The following PLEKHM2 variants were observed in gnomAD, a reference collection of about 807,000 sequenced individuals.
PLEKHM2 encodes the protein pleckstrin homology and RUN domain containing M2.
Under a neutral mutation model 116.3 loss-of-function variants are expected in PLEKHM2, and 77 were observed. The observed-to-expected ratio is 0.66, with a 90% CI of 0.55 to 0.80. The LOEUF (loss-of-function observed/expected upper bound fraction) is 0.80, where lower values mean the gene tolerates loss of function less well. Among genes scored for constraint, PLEKHM2 ranks in the 30% least tolerant of loss-of-function variants. The probability of loss-of-function intolerance (pLI) is 0.00; values close to 1 mark genes in which losing one functional copy is unlikely to be tolerated. For missense variants in PLEKHM2, 1,183 were observed against 1,354.9 expected (o/e 0.87, Z 1.99); for synonymous variants, 562 against 571.0 (o/e 0.98, Z 0.22).
intron 7 of PLEKHM2, among the ~76,000 whole-genome samples, chr1:15,722,456 A>T (rs12740492): frequency 0.36 from 54,258 of 151,952 alleles, 12,417 homozygotes; most frequent in African/African-American, 0.65. Context: ...AATCCCTGTT[A>T]TTAAAGAGCC....
chr1:15,717,827 G>C, intron 3 of PLEKHM2, 66 bp from the exon 4 acceptor site: 1 of 1,026,904 alleles, frequency 9.7e-7, no homozygotes, highest in East Asian at 2.6e-5. Flanking sequence ...TTCTGCGCTT[G>C]CTTGGCAAAT....
Position 15,729,109 on chromosome 1 carries a change from T to C in PLEKHM2, c.1994T>C (p.Leu665Pro). ...YNELDYVSVGLDQQTVKLVCT... is the reference protein window; with the variant it reads ...YNELDYVSVGPDQQTVKLVCT... ...CGGTGTGGTTTCTGGCAGGTTGGCC[T>C]TGACCAGCAGACGGTGAAGCTGGTG... The change falls in exon 13 of 20, where the codon CTT becomes CCT. Residue 665 changes from leucine to proline, a missense_variant. Physicochemically the swap from Leu to Pro is moderately conservative, Grantham distance 98. This residue lies in a region of PLEKHM2 where 594 missense variants were observed against 720.1 expected (regional missense o/e 0.82). Coordinates refer to ENST00000375799, the MANE Select transcript of PLEKHM2 (RefSeq NM_015164.4). This position sits in a 1 kb window ranked among gnomAD's most constrained non-coding sequence, Gnocchi z 4.7. 1 of 1,608,546 alleles carries C rather than the reference T, an allele frequency of 6.2e-7. No homozygotes were observed. The highest frequency in any genetic ancestry group is 2.2e-5 in the East Asian group (1 of 44,668).
chr1:15,705,082 C>T lies in PLEKHM2; in HGVS notation c.61-11155C>T, dbSNP rs546381429. 1.2e-4 allele frequency among the ~76,000 whole-genome samples: 18 copies of T among 152,016 alleles called. No individual in the cohort carries two copies. The East Asian group carries it at 1.9e-3, about 16-fold the overall frequency. ...AGACGCTCCTCCTGCTGCACACTCACGGCTTTCAGTGGCTGGCGGCACCCC... is the reference window on the plus strand; with the variant it reads ...AGACGCTCCTCCTGCTGCACACTCATGGCTTTCAGTGGCTGGCGGCACCCC... On this transcript the variant is annotated intron_variant, in intron 1 of 19. Coordinates refer to ENST00000375799, the MANE Select transcript of PLEKHM2 (RefSeq NM_015164.4).
chr1:15,704,563 A>G (rs1641183472), intron 1 of PLEKHM2, among the ~76,000 whole-genome samples: 1 of 152,206 alleles, frequency 6.6e-6, no homozygotes, highest in Non-Finnish European at 1.5e-5. Flanking sequence ...AATTCACAAT[A>G]ACTTTTCCTC....
At chr1:15,714,382 T>C (rs1203249595) in intron 1 of PLEKHM2, among the ~76,000 whole-genome samples, 4 of 145,538 alleles carry the variant, frequency 2.7e-5, no homozygotes, top group African/African-American at 7.6e-5. Flanking sequence ...TCTACCCCAG[T>C]GTGGTCGTAC....
chr1:15,710,196 C>T (rs1641303814), intron 1 of PLEKHM2, among the ~76,000 whole-genome samples: 1 of 143,124 alleles, frequency 7.0e-6, no homozygotes, highest in Non-Finnish European at 1.5e-5. Flanking sequence ...CACTGCCCTC[C>T]AGCCTGGGCG....
At position 15,719,855 on chromosome 1, in the gene PLEKHM2, C is replaced by G. The variant is rs759410243; in HGVS notation, c.587C>G (p.Ser196Cys). 5 of 1,613,890 alleles carry G rather than the reference C, an allele frequency of 3.1e-6. No individual in the cohort carries two copies. Among genetic ancestry groups the G allele is most frequent in the Non-Finnish European group, 3.4e-6 (4 of 1,179,828 alleles). The part of the protein sequence containing the change: ...VHGSDSLSLN[S>C]FNSVTSTNLE... ...GGCTCAGACAGTCTGTCCCTCAACT[C>G]TTTCAACTCCGTCACCTCCACCAAC... The change falls in exon 6 of 20, where the codon TCT (serine) becomes TGT (cysteine). Residue 196 changes from serine (S) to cysteine (C), a missense_variant. Physicochemically the swap from Ser to Cys is moderately radical, Grantham distance 112. Around this residue, in one of 3 missense-constraint regions of PLEKHM2, gnomAD observed 217 missense variants for 277.6 expected, o/e 0.78. Coordinates refer to ENST00000375799, the MANE Select transcript of PLEKHM2 (RefSeq NM_015164.4). This position sits in a 1 kb window ranked among gnomAD's most constrained non-coding sequence, Gnocchi z 4.1.
intron 1 of PLEKHM2, among the ~76,000 whole-genome samples, chr1:15,689,033 G>A (rs1571016095): frequency 6.6e-6 from 1 of 152,076 alleles, no homozygotes; most frequent in African/African-American, 2.4e-5. Context: ...CGGATCACCT[G>A]AGGTCAGGAG....
intron 3 of PLEKHM2, 36 bp from the exon 4 acceptor site, chr1:15,717,857 G>A (rs759723833): frequency 3.7e-6 from 5 of 1,352,462 alleles, no homozygotes; most frequent in Non-Finnish European, 4.2e-6. Flanking sequence ...CAGTCTGAGA[G>A]GCCTTCCTGC....
At chr1:15,725,907 T>G in intron 8 of PLEKHM2, 2 of 271,128 alleles carry the variant, frequency 7.4e-6, no homozygotes, top group Non-Finnish European at 7.2e-6. Flanking sequence ...GAGAGCTCTC[T>G]AGGGTCCCTT....
At position 15,718,599 on chromosome 1, in the gene PLEKHM2, G is replaced by T; in HGVS notation, c.439G>T (p.Glu147Ter). Residue 147 changes from glutamate (E) to a stop codon, truncating the protein, a stop_gained, in exon 5 of 20, where the codon GAG becomes TAG. Transcript: ENST00000375799. LOFTEE classifies it high-confidence loss of function. ...TLFLTLVSGL[E>*]FIRFELDLDA... ...CTTCCTGACCTTGGTGTCCGGGCTA[G>T]AGTTCATTCGTTTCGAGCTGGATCT... is the stretch of plus-strand genomic sequence containing the variant. 2 of 1,487,120 alleles carry T rather than the reference G, an allele frequency of 1.3e-6. No individual in the cohort carries two copies. The highest frequency in any genetic ancestry group is 1.9e-5 in the Admixed American group (1 of 51,832). The allele number at this position is 1,487,120 out of a possible 1,614,324, so 92.1% of individuals were successfully genotyped here.
At chr1:15,697,886 A>C (rs1275321662) in intron 1 of PLEKHM2, among the ~76,000 whole-genome samples, 1 of 151,998 alleles carries the variant, frequency 6.6e-6, no homozygotes, top group Admixed American at 6.6e-5. Context: ...TAGAGCTGCC[A>C]GTAAAGCAGA....
chr1:15,713,657 A>G (rs1641380694), intron 1 of PLEKHM2, among the ~76,000 whole-genome samples: 1 of 151,640 alleles, frequency 6.6e-6, no homozygotes, highest in Admixed American at 6.6e-5. Flanking sequence ...TGTTTTTGAG[A>G]AGGAGTCTTG....
Position 15,733,920 on chromosome 1 carries a change from G to A in PLEKHM2, c.3046G>A (p.Asp1016Asn). The A allele has an allele frequency of 6.2e-7, 1 of 1,612,354 alleles. No individual in the cohort carries two copies. Among genetic ancestry groups the A allele is most frequent in the Non-Finnish European group, 8.5e-7 (1 of 1,179,588 alleles). ...TCTCTGCCGCGGCCGAGCCTCCCGA[G>A]ACCCCTGGTGCTGAGGCAGAGCTGG... ...DSLCRGRASR[D>N]PWC The change falls in exon 20 of 20, where the codon GAC becomes AAC. Residue 1016 changes from aspartate (D) to asparagine (N), a missense_variant. By Grantham distance (23) the Asp-to-Asn change is conservative (BLOSUM62 1). Coordinates refer to ENST00000375799, the MANE Select transcript of PLEKHM2 (RefSeq NM_015164.4).
At position 15,730,627 on chromosome 1, in the gene PLEKHM2, C is replaced by T. The variant is rs779423139; in HGVS notation, c.2304C>T (p.Pro768=). Residue 768 remains proline (P), a synonymous_variant, in exon 15 of 20, where the codon CCC becomes CCT. Coordinates refer to ENST00000375799, the MANE Select transcript of PLEKHM2 (RefSeq NM_015164.4). ...CCACGCCCTGCCACTGCTCACCCCC[C>T]GAGGGCACCATCACCAAAGAAGGCA... ...LGPTPCHCSP[P]EGTITKEGML... is the part of the protein sequence containing the mutation. 3.7e-6 allele frequency: 6 copies of T among 1,608,476 alleles called. No individual in the cohort carries two copies. In the Admixed American group the frequency reaches 8.4e-5, roughly 23 times the overall value.
Position 15,732,266 on chromosome 1 carries a change from G to C in PLEKHM2, c.2626-84G>C, listed in dbSNP as rs531216091. ...AGATCCCTGGAGGGAGAGCAGAAGGGCTGGCTGGTCCCCTGGAGTGTGGAC... is the reference window on the plus strand; with the variant it reads ...AGATCCCTGGAGGGAGAGCAGAAGGCCTGGCTGGTCCCCTGGAGTGTGGAC... On this transcript the variant is annotated intron_variant, in intron 17 of 19. Coordinates refer to ENST00000375799, the MANE Select transcript of PLEKHM2 (RefSeq NM_015164.4). 5.8e-6 allele frequency: 7 copies of C among 1,206,378 alleles called. No homozygotes were observed. The South Asian group carries it at 1.0e-4, about 18-fold the overall frequency. The allele number at this position is 1,206,378 out of a possible 1,614,324, so 74.7% of individuals were successfully genotyped here. A position where few individuals can be genotyped will look rare whatever the true frequency, so the allele number is the denominator to read the frequency against.
chr1:15,731,391 T>G (rs2068141472), intron 16 of PLEKHM2, 134 bp downstream of exon 16: 3 of 722,030 alleles, frequency 4.2e-6, no homozygotes, highest in Middle Eastern at 4.8e-4. Flanking sequence ...ACAGGTGGCC[T>G]GGGGCTTCCA....
At chr1:15,698,966 T>G (rs1306429788) in intron 1 of PLEKHM2, among the ~76,000 whole-genome samples, 1 of 152,160 alleles carries the variant, frequency 6.6e-6, no homozygotes, top group Admixed American at 6.6e-5. Flanking sequence ...ATAATTTGAT[T>G]GCCATTGAGA....
chr1:15,723,953 T>C (rs2068027792), intron 7 of PLEKHM2, among the ~76,000 whole-genome samples: 1 of 152,216 alleles, frequency 6.6e-6, no homozygotes, highest in Admixed American at 6.5e-5. Flanking sequence ...CCCTTGCCAT[T>C]GACCCTCACC....
Sources: allele counts gnomAD v4.1 joint callset (sites outside exome capture counted in the v4.1 genomes callset), GRCh38; gene constraint gnomAD v4.1.1; regional missense constraint gnomAD v4.1.1; non-coding constraint Gnocchi (gnomAD v3.1); transcripts MANE v1.5; gene names NCBI Gene and HGNC (gene_info 2026-07-23, HGNC 2026-07-21).